LSAMP: variants seen among roughly 807,000 people sequenced by gnomAD.
LSAMP encodes the protein limbic system associated membrane protein, also known as limbic system-associated membrane protein.
In LSAMP, 7 loss-of-function variants were observed where a neutral mutation model predicts 38.6. The observed-to-expected ratio is 0.18, with a 90% CI of 0.10 to 0.34. The LOEUF (loss-of-function observed/expected upper bound fraction) is 0.34, where lower values mean the gene tolerates loss of function less well. LSAMP is among the 10% of genes least tolerant of loss of function. LSAMP has a pLI of 1.00. For missense variants in LSAMP, 313 were observed against 420.0 expected (o/e 0.75, Z 2.23); for synonymous variants, 154 against 166.8 (o/e 0.92, Z 0.59).
chr3:116,282,761 C>A (rs7639095), intron 1 of LSAMP, among the ~76,000 whole-genome samples: 17,736 of 151,462 alleles, frequency 0.12, 1,301 homozygotes, highest in African/African-American at 0.19. Context: ...ATACTCCCCC[C>A]ACCCCCCAAA....
intron 1 of LSAMP, among the ~76,000 whole-genome samples, chr3:116,403,234 AACCCTCTTCTG>A (rs1314656531): frequency 1.3e-5 from 2 of 152,244 alleles, no homozygotes; most frequent in Non-Finnish European, 2.9e-5. Flanking sequence ...TGCTAATAGT[AACCCTCTTCTG>A]AGACTTTTCT....
At chr3:115,961,097 G>A (rs1169255431) in intron 3 of LSAMP, among the ~76,000 whole-genome samples, 1 of 152,224 alleles carries the variant, frequency 6.6e-6, no homozygotes, top group South Asian at 2.1e-4. Context: ...ATCACCAAGA[G>A]GCAAATGCTA....
chr3:115,964,038 C>T lies in LSAMP; in HGVS notation c.514+55477G>A, dbSNP rs141350346. 3.2e-3 allele frequency among the ~76,000 whole-genome samples: 480 copies of T among 152,294 alleles called. 3 individuals are homozygous for T. Among genetic ancestry groups the T allele is most frequent in the African/African-American group, 0.011 (452 of 41,560 alleles). On this transcript the variant is annotated intron_variant, in intron 3 of 6. Coordinates refer to ENST00000490035, the MANE Select transcript of LSAMP (RefSeq NM_002338.5). ...AAAGTGCTGTGATTACAGGTGTAAGCCACATCACCCAGCCTTCTTTAGTGT... is the reference window on the plus strand; with the variant it reads ...AAAGTGCTGTGATTACAGGTGTAAGTCACATCACCCAGCCTTCTTTAGTGT...
In LSAMP at chr3:115,804,526, G is replaced by C. The variant is rs1030024642; in HGVS notation, c.*5791C>G. ...TTAGATGATGAGGAAGCAGTACCAA[G>C]AAGACACTTGGGGGTTGATACAACA... On this transcript the variant is annotated 3_prime_UTR_variant, in exon 7 of 7. Transcript: ENST00000490035. 5 of 152,136 alleles carry C rather than the reference G, an allele frequency of 3.3e-5. No individual in the cohort carries two copies. The East Asian group carries it at 9.6e-4, about 29-fold the overall frequency. The allele number at this position is 152,136 out of a possible 1,614,324, so 9.4% of individuals were successfully genotyped here.
chr3:116,000,850 T>C (rs1939969666), intron 3 of LSAMP, among the ~76,000 whole-genome samples: 1 of 152,196 alleles, frequency 6.6e-6, no homozygotes, highest in Non-Finnish European at 1.5e-5. Context: ...GGAGTTCTCA[T>C]GTCAGCATTC....
intron 3 of LSAMP, among the ~76,000 whole-genome samples, chr3:115,924,958 G>T (rs1163108548): frequency 6.6e-6 from 1 of 152,072 alleles, no homozygotes; most frequent in Non-Finnish European, 1.5e-5. Flanking sequence ...AGACCATTGG[G>T]ACATTCCCTC....
chr3:116,372,076 C>T (rs188695403), intron 1 of LSAMP, among the ~76,000 whole-genome samples: 1 of 152,016 alleles, frequency 6.6e-6, no homozygotes, highest in Non-Finnish European at 1.5e-5. Flanking sequence ...TGAAAGACAA[C>T]ACTATTAAGA....
intron 1 of LSAMP, among the ~76,000 whole-genome samples, chr3:116,321,644 G>A (rs868449718): frequency 1.7e-4 from 26 of 152,014 alleles, no homozygotes; most frequent in African/African-American, 6.3e-4. Flanking sequence ...TCAAATTTAG[G>A]TACTTTACCT....
Position 116,098,116 on chromosome 3 carries a change from T to C in LSAMP, c.156-11560A>G, listed in dbSNP as rs549358895. 1.2e-4 allele frequency among the ~76,000 whole-genome samples: 18 copies of C among 152,226 alleles called. No homozygotes were observed. The South Asian group carries it at 3.3e-3, about 28-fold the overall frequency. ...CAGTAGCTGCAAACTGAAGGAGATA[T>C]AATCAAACAGATCTATCACAGGCAA... On this transcript the variant is annotated intron_variant, in intron 1 of 6. Transcript: ENST00000490035.
intron 1 of LSAMP, among the ~76,000 whole-genome samples, chr3:116,193,540 A>G (rs1203925200): frequency 6.6e-6 from 1 of 152,220 alleles, no homozygotes; most frequent in Non-Finnish European, 1.5e-5. Flanking sequence ...AAACAGCAAC[A>G]ACAACAAAAA....
chr3:116,204,409 A>C (rs947859483), intron 1 of LSAMP, among the ~76,000 whole-genome samples: 1 of 151,992 alleles, frequency 6.6e-6, no homozygotes, highest in Non-Finnish European at 1.5e-5. Flanking sequence ...AGTTTAATTA[A>C]ACCCCATTTG....
intron 1 of LSAMP, among the ~76,000 whole-genome samples, chr3:116,365,938 C>A (rs2048345462): frequency 1.1e-5 from 1 of 92,080 alleles, no homozygotes; most frequent in Non-Finnish European, 2.0e-5. Flanking sequence ...GGGTGCAGCG[C>A]ACCAGCATGG....
chr3:115,991,849 C>T (rs1286360237), intron 3 of LSAMP, among the ~76,000 whole-genome samples: 1 of 152,072 alleles, frequency 6.6e-6, no homozygotes, highest in African/African-American at 2.4e-5. Flanking sequence ...TATTTGTGCC[C>T]AGCAATAAAT....
intron 1 of LSAMP, among the ~76,000 whole-genome samples, chr3:116,350,081 T>G: frequency 6.6e-6 from 1 of 152,154 alleles, no homozygotes; most frequent in East Asian, 1.9e-4. Context: ...ATATGTTACT[T>G]TGGATATTAA....
In LSAMP at chr3:116,445,087, C is replaced by T. The variant is rs1223046479; in HGVS notation, c.-56G>A. 1.3e-6 allele frequency: 2 copies of T among 1,549,042 alleles called. No individual in the cohort carries two copies. The highest frequency in any genetic ancestry group is 1.8e-6 in the Non-Finnish European group (2 of 1,142,286). The stretch of plus-strand genomic sequence containing the variant: ...GTGCTCTGGAGGGGTGCGCGCTGCT[C>T]GCGAGGAGAGGCTTCACCAACACGG... On this transcript the variant is annotated 5_prime_UTR_variant, in exon 1 of 7. Transcript: ENST00000490035.
intron 2 of LSAMP, among the ~76,000 whole-genome samples, chr3:116,079,479 C>G (rs563089210): frequency 4.7e-4 from 71 of 152,150 alleles, no homozygotes; most frequent in African/African-American, 1.6e-3. Flanking sequence ...TAGTGAAACC[C>G]CTGTCTCTAC....
chr3:116,081,052 C>T (rs1006347866), intron 2 of LSAMP, among the ~76,000 whole-genome samples: 17 of 152,178 alleles, frequency 1.1e-4, no homozygotes, highest in African/African-American at 3.9e-4. Context: ...AATGAGATAC[C>T]GTCTTGGAGT....
At chr3:116,137,007 T>G (rs751072658) in intron 1 of LSAMP, among the ~76,000 whole-genome samples, 13 of 152,212 alleles carry the variant, frequency 8.5e-5, no homozygotes, top group African/African-American at 2.9e-4. Context: ...GGCAAGGTTC[T>G]AAAGGTTTTA....
intron 1 of LSAMP, among the ~76,000 whole-genome samples, chr3:116,430,556 T>C (rs904635254): frequency 6.6e-6 from 1 of 152,128 alleles, no homozygotes; most frequent in Non-Finnish European, 1.5e-5. Flanking sequence ...GCCATTCCAT[T>C]TGGCAGAAGA....
Sources: allele counts gnomAD v4.1 joint callset (sites outside exome capture counted in the v4.1 genomes callset), GRCh38; gene constraint gnomAD v4.1.1; transcripts MANE v1.5; gene names NCBI Gene and HGNC (gene_info 2026-07-23, HGNC 2026-07-21).